The following MROH7 variants were observed in gnomAD, a reference collection of about 807,000 sequenced individuals.
The protein encoded by MROH7 is maestro heat like repeat family member 7, also known as maestro heat-like repeat-containing protein family member 7.
MROH7 carries 113 observed loss-of-function variants against 129.2 expected under a neutral mutation model. The ratio of observed to expected loss-of-function variants is 0.87; its 90% CI spans 0.75 to 1.02. MROH7 has a LOEUF of 1.02. Among genes scored for constraint, MROH7 ranks in the 50% least tolerant of loss-of-function variants. MROH7 has a pLI of 0.00. For missense variants in MROH7, 1,601 were observed against 1,671.3 expected (o/e 0.96, Z 0.73); for synonymous variants, 655 against 667.9 (o/e 0.98, Z 0.30).
At chr1:54,696,804 T>C (rs1645331345) in intron 17 of MROH7, among the ~76,000 whole-genome samples, 1 of 151,310 alleles carries the variant, frequency 6.6e-6, no homozygotes, top group South Asian at 2.1e-4. Context: ...CCCGAGTAGC[T>C]GGGATTATAG....
chr1:54,682,512 G>A (rs1645086231), intron 13 of MROH7, 144 bp from the exon 14 acceptor site: 3 of 752,138 alleles, frequency 4.0e-6, no homozygotes, highest in Non-Finnish European at 6.5e-6. Flanking sequence ...CTCTTTGGGA[G>A]TGTTTTCTGG....
intron 16 of MROH7, among the ~76,000 whole-genome samples, chr1:54,694,557 C>A (rs960585203): frequency 2.6e-5 from 4 of 152,148 alleles, no homozygotes; most frequent in Non-Finnish European, 5.9e-5. Context: ...ACCTCTGCCT[C>A]CTGGGTTTAA....
intron 14 of MROH7, among the ~76,000 whole-genome samples, chr1:54,683,473 C>T (rs923119209): frequency 2.6e-5 from 4 of 152,160 alleles, no homozygotes; most frequent in African/African-American, 9.7e-5. Context: ...CCAGTTGGTC[C>T]ATACCCCTGG....
chr1:54,698,945 C>T (rs990794914), intron 17 of MROH7: 8 of 152,186 alleles, frequency 5.3e-5, no homozygotes, highest in African/African-American at 1.9e-4. Context: ...AGGCACCTGC[C>T]ACCATGCCCA....
chr1:54,683,730 G>A (rs1419433480), intron 14 of MROH7, among the ~76,000 whole-genome samples: 2 of 152,080 alleles, frequency 1.3e-5, no homozygotes, highest in African/African-American at 4.8e-5. Context: ...ACTTCATCCA[G>A]CCACGCTATC....
At chr1:54,648,396 G>A (rs370331955) in intron 1 of MROH7, among the ~76,000 whole-genome samples, 3 of 148,138 alleles carry the variant, frequency 2.0e-5, no homozygotes, top group East Asian at 2.0e-4. Context: ...ACGGAGTTTC[G>A]CTCCTGTTGC....
Position 54,709,943 on chromosome 1 carries a change from C to A in MROH7, c.3731-3C>A. On this transcript the variant is annotated splice_region_variant and splice_polypyrimidine_tract_variant and intron_variant, in intron 23 of 23. Transcript: ENST00000421030. ...GGAGGCTTCTCCCTTCCCCATGACG[C>A]AGCTCTGGATAACTTGAGACATGAC... 1 of 1,608,576 alleles carries A rather than the reference C, an allele frequency of 6.2e-7. No individual in the cohort carries two copies.
At chr1:54,678,473 C>G (rs1464961701) in intron 10 of MROH7, among the ~76,000 whole-genome samples, 1 of 152,072 alleles carries the variant, frequency 6.6e-6, no homozygotes, top group Admixed American at 6.6e-5. Context: ...ATCTAAAGTT[C>G]AAAAGCAAAG....
At chr1:54,702,510 T>C in intron 20 of MROH7, 113 bp from the exon 21 acceptor site, 1 of 1,075,070 alleles carries the variant, frequency 9.3e-7, no homozygotes, top group Non-Finnish European at 1.3e-6. Flanking sequence ...AAATTAAAAA[T>C]GGTCAGCTTC....
rs1237385839 is a variant in MROH7, at chr1:54,679,514, G to A, written c.2226+75G>A. 2.0e-6 allele frequency: 3 copies of A among 1,503,492 alleles called. No homozygotes were observed. In the African/African-American group the frequency reaches 4.1e-5, roughly 21 times the overall value. The allele number at this position is 1,503,492 out of a possible 1,614,324, so 93.1% of individuals were successfully genotyped here. On this transcript the variant is annotated intron_variant, in intron 12 of 23. Transcript: ENST00000421030. Reference sequence around the variant, plus strand: ...TCCCCCCATGGCCTGCTCATCACTGGCCGGCCAGACAGTGGGCAGGGTGGG... The same window carrying A: ...TCCCCCCATGGCCTGCTCATCACTGACCGGCCAGACAGTGGGCAGGGTGGG...
In MROH7 at chr1:54,701,170, T is replaced by C. The variant is rs199663218; in HGVS notation, c.3133T>C (p.Ser1045Pro). The C allele has an allele frequency of 2.8e-4, 446 of 1,613,982 alleles. 2 individuals are homozygous for C. The African/African-American group carries it at 5.3e-3, about 19-fold the overall frequency. ...CGCCAAGGTGAAGGCCCTCCTGCCC[T>C]CCATGGTGAAGGGCCTGAAGAACAT... is the stretch of plus-strand genomic sequence containing the variant. ...KTAKVKALLPSMVKGLKNMDG... is the reference protein window; with the variant it reads ...KTAKVKALLPPMVKGLKNMDG... The change falls in exon 19 of 24, where the codon TCC becomes CCC. Residue 1045 changes from serine (S) to proline (P), a missense_variant. Transcript: ENST00000421030.
intron 3 of MROH7, among the ~76,000 whole-genome samples, chr1:54,662,836 C>CCTTT (rs1644752390): frequency 6.6e-6 from 1 of 152,186 alleles, no homozygotes; most frequent in Non-Finnish European, 1.5e-5. Context: ...CAGTCCTCAG[C>CCTTT]CTTTCTTTGA....
At chr1:54,680,100 C>T (rs1645045736) in intron 13 of MROH7, 55 bp downstream of exon 13, 4 of 1,564,864 alleles carry the variant, frequency 2.6e-6, no homozygotes, top group Non-Finnish European at 3.5e-6. Flanking sequence ...AAGCAGCCCC[C>T]ACCCCAGGTT....
intron 17 of MROH7, chr1:54,699,014 A>C (rs138445831): frequency 0.057 from 8,626 of 151,198 alleles, 346 homozygotes; most frequent in Middle Eastern, 0.099. Flanking sequence ...GGCTAGTCTC[A>C]AACTCCTGAC....
chr1:54,674,243 G>T, intron 10 of MROH7, 92 bp downstream of exon 10: 7 of 1,432,104 alleles, frequency 4.9e-6, no homozygotes, highest in Non-Finnish European at 6.6e-6. Context: ...TTGGCATTAA[G>T]GCACTGGTGG....
chr1:54,661,047 G>T (rs1406897343), intron 3 of MROH7, among the ~76,000 whole-genome samples: 2 of 149,144 alleles, frequency 1.3e-5, no homozygotes, highest in African/African-American at 5.0e-5. Flanking sequence ...GGAACGGCAT[G>T]TACATTTTGC....
chr1:54,657,801 C>T (rs1001672811), intron 3 of MROH7, among the ~76,000 whole-genome samples: 1 of 151,934 alleles, frequency 6.6e-6, no homozygotes, highest in Non-Finnish European at 1.5e-5. Flanking sequence ...GCTGGGACTA[C>T]AGGTGTGTGC....
rs3765018 is a variant in MROH7, at chr1:54,702,625, G to A, written c.3444G>A (p.Lys1148=). Reference sequence around the variant, plus strand: ...ATTTTCTTCCTATTGGTTCCCAGAAGTGTGTGAAGACCCTGTTACGCTGTT... The same window carrying A: ...ATTTTCTTCCTATTGGTTCCCAGAAATGTGTGAAGACCCTGTTACGCTGTT... ...MQEGNSKVSQ[K]CVKTLLRCSY... Residue 1148 remains lysine (K), a splice_region_variant and synonymous_variant, in exon 21 of 24, where the codon AAG becomes AAA. Coordinates refer to ENST00000421030, the MANE Select transcript of MROH7 (RefSeq NM_001039464.4). The A allele has an allele frequency of 0.015, 23,859 of 1,605,828 alleles. 1,545 individuals are homozygous for A. The East Asian group carries it at 0.21, about 14-fold the overall frequency.
Position 54,706,455 on chromosome 1 carries a change from C to A in MROH7, c.3585C>A (p.Ser1195Arg). 6.2e-7 allele frequency: 1 copy of A among 1,613,576 alleles called. No individual in the cohort carries two copies. Among genetic ancestry groups the A allele is most frequent in the South Asian group, 1.1e-5 (1 of 91,052 alleles). The change falls in exon 22 of 24, where the codon AGC becomes AGA. Residue 1195 changes from serine (S) to arginine (R), a missense_variant. Ser to Arg is a moderately radical substitution (Grantham distance 110). Transcript: ENST00000421030. ...CKCLVNTHRDSAFIFLSQSLE... is the reference protein window; with the variant it reads ...CKCLVNTHRDRAFIFLSQSLE... ...CCTAGGTGAACACCCACCGAGACAG[C>A]GCCTTCATATTCCTCAGCCAGAGCC...
Sources: allele counts gnomAD v4.1 joint callset (sites outside exome capture counted in the v4.1 genomes callset), GRCh38; gene constraint gnomAD v4.1.1; transcripts MANE v1.5; gene names NCBI Gene and HGNC (gene_info 2026-07-23, HGNC 2026-07-21).